Variants in COL4A2 observed in about 807,000 individuals in gnomAD.
COL4A2 encodes the protein collagen alpha-2(IV) chain.
Under a neutral mutation model 200.2 loss-of-function variants are expected in COL4A2, and 99 were observed. That is an observed-to-expected ratio of 0.49 (90% confidence interval 0.42 to 0.58). The LOEUF (loss-of-function observed/expected upper bound fraction) is 0.58, where lower values mean the gene tolerates loss of function less well. Among genes scored for constraint, COL4A2 ranks in the 20% least tolerant of loss-of-function variants. The pLI is 0.00. For synonymous variants in COL4A2, 897 were observed against 900.6 expected, an observed-to-expected ratio of 1.00 and a Z score of 0.07; for missense variants, 1,950 against 2,314.1, an observed-to-expected ratio of 0.84 and a Z score of 3.23.
intron 3 of COL4A2, among the ~76,000 whole-genome samples, chr13:110,308,333 C>A (rs1348796508): frequency 6.6e-6 from 1 of 152,142 alleles, no homozygotes; most frequent in Non-Finnish European, 1.5e-5. Flanking sequence ...AGCGTCAATC[C>A]TGTGTTTTGC....
intron 3 of COL4A2, among the ~76,000 whole-genome samples, chr13:110,354,805 G>A (rs1420482218): frequency 2.0e-5 from 3 of 152,116 alleles, no homozygotes; most frequent in Non-Finnish European, 4.4e-5. Context: ...GGAACCCAAG[G>A]CCAACTCTTG....
chr13:110,384,163 G>A (rs576398329), intron 4 of COL4A2, among the ~76,000 whole-genome samples: 1 of 152,306 alleles, frequency 6.6e-6, no homozygotes, highest in East Asian at 1.9e-4. Flanking sequence ...AAATACCAAA[G>A]CCATCTATAA....
chr13:110,448,944 G>A (rs956422834), intron 18 of COL4A2, among the ~76,000 whole-genome samples: 6 of 152,180 alleles, frequency 3.9e-5, no homozygotes, highest in South Asian at 2.1e-4. Flanking sequence ...CTCTGGCTGC[G>A]GAGCGCAGCC....
intron 3 of COL4A2, among the ~76,000 whole-genome samples, chr13:110,355,292 T>TGTGTG (rs1877147012): frequency 7.2e-6 from 1 of 137,936 alleles, no homozygotes; most frequent in African/African-American, 3.3e-5. Flanking sequence ...CCTGTTTGTG[T>TGTGTG]GGGGAGGGCT....
intron 47 of COL4A2, 93 bp from the exon 48 acceptor site, chr13:110,511,841 T>TA: frequency 6.3e-7 from 1 of 1,581,188 alleles, no homozygotes; most frequent in Non-Finnish European, 8.6e-7. Context: ...TGCTGTTCAG[T>TA]AAAAACAAAT....
intron 3 of COL4A2, 116 bp from the exon 4 acceptor site, chr13:110,357,356 G>A (rs569284586): frequency 4.7e-5 from 68 of 1,433,462 alleles, no homozygotes; most frequent in Middle Eastern, 3.7e-4. Flanking sequence ...CTTATTGAAT[G>A]TTTTGAATGA....
intron 6 of COL4A2, among the ~76,000 whole-genome samples, chr13:110,426,659 C>G (rs910178159): frequency 4.6e-5 from 7 of 152,164 alleles, no homozygotes; most frequent in Admixed American, 4.6e-4. Flanking sequence ...CTCAATATAA[C>G]TGAAATTTTT....
rs976555138 is a variant in COL4A2 at position 110,307,757 on chromosome 13, G to A, written c.-44-103G>A. ...GCCCTCCGGTCACCCCTGCATGCGG[G>A]CCGCGCACCGCGCTGTCCCCGCGTC... is the stretch of plus-strand genomic sequence containing the variant. On this transcript the variant is annotated intron_variant, in intron 1 of 47. Coordinates refer to ENST00000360467, the MANE Select transcript of COL4A2 (RefSeq NM_001846.4). The surrounding 1 kb of genome is among the most constrained non-coding windows in gnomAD (Gnocchi z 5.0). The A allele has an allele frequency of 4.4e-5, 49 of 1,121,076 alleles. No individual in the cohort carries two copies. The highest frequency in any genetic ancestry group is 2.0e-4 in the Admixed American group (7 of 35,592). The allele number at this position is 1,121,076 out of a possible 1,614,324, so 69.4% of individuals were successfully genotyped here.
intron 4 of COL4A2, among the ~76,000 whole-genome samples, chr13:110,398,545 T>C (rs1240440362): frequency 6.6e-6 from 1 of 152,122 alleles, no homozygotes; most frequent in Non-Finnish European, 1.5e-5. Context: ...TTAGTGGTTT[T>C]AGATTTTAGT....
In COL4A2 at chr13:110,450,285, T is replaced by A. The variant is rs755934293; in HGVS notation, c.1190-20T>A. The A allele has an allele frequency of 2.5e-6, 4 of 1,609,726 alleles. No homozygotes were observed. Among genetic ancestry groups the A allele is most frequent in the Non-Finnish European group, 3.4e-6 (4 of 1,176,734 alleles). On this transcript the variant is annotated intron_variant, in intron 19 of 47. Transcript: ENST00000360467. Reference sequence around the variant, plus strand: ...TGGTATGGGAGACTCACGCTGCAGGTGAATGCTGTTTGGTTTCAGATCAGA... The same window carrying A: ...TGGTATGGGAGACTCACGCTGCAGGAGAATGCTGTTTGGTTTCAGATCAGA...
chr13:110,361,807 A>G (rs1023842369), intron 4 of COL4A2, among the ~76,000 whole-genome samples: 1 of 152,182 alleles, frequency 6.6e-6, no homozygotes, highest in East Asian at 1.9e-4. Context: ...GAGGCAAGGC[A>G]GGAGCTGTGT....
At position 110,501,680 on chromosome 13, in the gene COL4A2, C is replaced by T; in HGVS notation, c.3773C>T (p.Pro1258Leu). The T allele has an allele frequency of 6.2e-7, 1 of 1,613,734 alleles. No homozygotes were observed. The highest frequency in any genetic ancestry group is 1.1e-5 in the South Asian group (1 of 91,074). The part of the protein sequence containing the change: ...GDQGAPGERG[P>L]PGSPGLQGFP... ...TTTTCATCCTAAGGGGAACGAGGCC[C>T]ACCTGGGAGCCCAGGACTTCAGGGG... is the stretch of plus-strand genomic sequence containing the variant. The change falls in exon 41 of 48, where the codon CCA (proline) becomes CTA (leucine). Residue 1258 changes from proline (P) to leucine (L), a missense_variant. Pro to Leu is a moderately conservative substitution (Grantham distance 98). This residue lies in a region of COL4A2 where 1,385 missense variants were observed against 1,720.5 expected (regional missense o/e 0.80). Transcript: ENST00000360467.
intron 3 of COL4A2, among the ~76,000 whole-genome samples, chr13:110,355,903 T>G (rs1278463099): frequency 6.6e-6 from 1 of 151,472 alleles, no homozygotes; most frequent in Non-Finnish European, 1.5e-5. Flanking sequence ...GTCACCTGTA[T>G]AGGGCGGAGG....
intron 20 of COL4A2, among the ~76,000 whole-genome samples, chr13:110,452,011 C>A (rs1881553460): frequency 6.6e-6 from 1 of 152,232 alleles, no homozygotes; most frequent in Admixed American, 6.5e-5. Context: ...ACTTTAAATT[C>A]CCTGACATTG....
intron 3 of COL4A2, among the ~76,000 whole-genome samples, chr13:110,348,976 G>A (rs547923641): frequency 1.1e-4 from 16 of 152,240 alleles, no homozygotes; most frequent in African/African-American, 3.4e-4. Flanking sequence ...CATATAACTC[G>A]ATTACTGCTC....
At chr13:110,318,455 G>T (rs557639706) in intron 3 of COL4A2, among the ~76,000 whole-genome samples, 1 of 152,294 alleles carries the variant, frequency 6.6e-6, no homozygotes, top group South Asian at 2.1e-4. Flanking sequence ...GAGACGTTCA[G>T]TACGATTGAT....
chr13:110,380,694 G>GTCACACCCACAAGCTCTATC (rs1878432555), intron 4 of COL4A2, among the ~76,000 whole-genome samples: 1 of 144,260 alleles, frequency 6.9e-6, no homozygotes, highest in Admixed American at 7.0e-5. Flanking sequence ...TGAGCTCTAT[G>GTCACACCCACAAGCTCTATC]TCACACCCAC....
At chr13:110,392,498 C>T (rs78294670) in intron 4 of COL4A2, among the ~76,000 whole-genome samples, 1,955 of 152,248 alleles carry the variant, frequency 0.013, 24 homozygotes, top group Middle Eastern at 0.061. Context: ...TGTGAGTCCG[C>T]GGGGCTCTTC....
intron 24 of COL4A2, among the ~76,000 whole-genome samples, chr13:110,462,775 C>A (rs1882079859): frequency 6.6e-6 from 1 of 152,140 alleles, no homozygotes; most frequent in South Asian, 2.1e-4. Flanking sequence ...GGAGGGGCTA[C>A]CTAGTAGCCT....
Sources: allele counts gnomAD v4.1 joint callset (sites outside exome capture counted in the v4.1 genomes callset), GRCh38; gene constraint gnomAD v4.1.1; regional missense constraint gnomAD v4.1.1; non-coding constraint Gnocchi (gnomAD v3.1); transcripts MANE v1.5; gene names NCBI Gene and HGNC (gene_info 2026-07-23, HGNC 2026-07-21).